MYT1L: variants seen among roughly 807,000 people sequenced by gnomAD.
MYT1L encodes myelin transcription factor 1 like, also known as myelin transcription factor 1-like protein.
In MYT1L, 12 loss-of-function variants were observed where a neutral mutation model predicts 126.7. The ratio of observed to expected loss-of-function variants is 0.09; its 90% CI spans 0.06 to 0.15. MYT1L has a LOEUF of 0.15. MYT1L is among the 10% of genes least tolerant of loss of function. The pLI, the probability that MYT1L is intolerant of heterozygous loss-of-function variation, is 1.00. For synonymous variants in MYT1L, 541 were observed against 604.2 expected, an observed-to-expected ratio of 0.90 and a Z score of 1.53; for missense variants, 979 against 1,585.2, an observed-to-expected ratio of 0.62 and a Z score of 6.49.
rs1222202648 is a variant in MYT1L, at chr2:1,887,551, A to G, written c.2579T>C (p.Val860Ala). The change falls in exon 17 of 25, where the codon GTG becomes GCG. Residue 860 changes from valine to alanine, a missense_variant. Coordinates refer to ENST00000647738, the MANE Select transcript of MYT1L (RefSeq NM_001303052.2). The surrounding 1 kb of genome is among the most constrained non-coding windows in gnomAD (Gnocchi z 4.8). Reference protein sequence around the residue: ...ALEERRYPGEVTIPSPKPKYP... With the variant: ...ALEERRYPGEATIPSPKPKYP... The stretch of plus-strand genomic sequence containing the variant: ...CTTGGGTTTGGGACTTGGGATGGTC[A>G]CCTCCCCGGGATACCGTCTTTCTTC... 6.2e-7 allele frequency: 1 copy of G among 1,613,734 alleles called. No individual in the cohort carries two copies. Among genetic ancestry groups the G allele is most frequent in the Admixed American group, 1.7e-5 (1 of 59,982 alleles).
chr2:1,876,673 C>A (rs957708576), intron 18 of MYT1L, among the ~76,000 whole-genome samples: 1 of 152,186 alleles, frequency 6.6e-6, no homozygotes, highest in Admixed American at 6.5e-5. Context: ...CCCATCCCAG[C>A]CCTGCACCCC....
intron 15 of MYT1L, among the ~76,000 whole-genome samples, chr2:1,890,557 T>C (rs1287358337): frequency 6.6e-6 from 1 of 152,140 alleles, no homozygotes; most frequent in Non-Finnish European, 1.5e-5. Flanking sequence ...TTTCATTTTT[T>C]AAATGATGCT....
At chr2:2,249,009 C>T (rs1200067732) in intron 2 of MYT1L, among the ~76,000 whole-genome samples, 1 of 151,856 alleles carries the variant, frequency 6.6e-6, no homozygotes, top group African/African-American at 2.4e-5. Context: ...ACTGAAAGTC[C>T]CAGCCAGAGC....
At position 2,244,993 on chromosome 2, in the gene MYT1L, T is replaced by C. The variant is rs558900960; in HGVS notation, c.-421+39411A>G. On this transcript the variant is annotated intron_variant, in intron 2 of 24. Coordinates refer to ENST00000647738, the MANE Select transcript of MYT1L (RefSeq NM_001303052.2). The stretch of plus-strand genomic sequence containing the variant: ...ATTGTATCCTGTTGTACATTCTAAA[T>C]GATATGAAGCATACTCAACAGGAAT... Among the ~76,000 whole-genome samples, 13 of 152,314 alleles carry C rather than the reference T, an allele frequency of 8.5e-5. No individual in the cohort carries two copies. The South Asian group carries it at 2.7e-3, about 32-fold the overall frequency.
chr2:2,306,171 A>G (rs945932784), intron 1 of MYT1L: 4 of 152,156 alleles, frequency 2.6e-5, no homozygotes, highest in Non-Finnish European at 5.9e-5. Context: ...GGGACAAAGT[A>G]TTGAGAAAAA....
At chr2:2,168,859 A>C (rs1275924128) in intron 3 of MYT1L, among the ~76,000 whole-genome samples, 1 of 152,226 alleles carries the variant, frequency 6.6e-6, no homozygotes. Flanking sequence ...TCTAATGCTC[A>C]GTCCCGAGGC....
chr2:2,309,927 A>G (rs546489274), intron 1 of MYT1L, among the ~76,000 whole-genome samples: 2 of 151,974 alleles, frequency 1.3e-5, no homozygotes, highest in African/African-American at 4.8e-5. Flanking sequence ...TACTGTATCT[A>G]TACTCCACCT....
rs1332794545 is a variant in MYT1L at position 2,224,861 on chromosome 2, G to A, written c.-420-51873C>T. Among the ~76,000 whole-genome samples, 3 of 151,946 alleles carry A rather than the reference G, an allele frequency of 2.0e-5. No homozygotes were observed. Among genetic ancestry groups the A allele is most frequent in the South Asian group, 2.1e-4 (1 of 4,812 alleles). On this transcript the variant is annotated intron_variant, in intron 2 of 24. Transcript: ENST00000647738. The surrounding 1 kb of genome is among the most constrained non-coding windows in gnomAD (Gnocchi z 4.0). Reference sequence around the variant, plus strand: ...AGGAAAATAAATGTTTCAAATCCTTGAGAAAGGTCTTAACCAGGGCTAGCC... The same window carrying A: ...AGGAAAATAAATGTTTCAAATCCTTAAGAAAGGTCTTAACCAGGGCTAGCC...
chr2:2,229,698 G>A (rs757239416), intron 2 of MYT1L, among the ~76,000 whole-genome samples: 2 of 152,090 alleles, frequency 1.3e-5, no homozygotes, highest in South Asian at 4.2e-4. Context: ...AAGGCACTGT[G>A]TTCAGAATTC....
At chr2:2,236,057 C>A (rs2094290133) in intron 2 of MYT1L, among the ~76,000 whole-genome samples, 1 of 152,102 alleles carries the variant, frequency 6.6e-6, no homozygotes, top group Non-Finnish European at 1.5e-5. Context: ...TACATCACAA[C>A]CCAACCCATT....
intron 2 of MYT1L, among the ~76,000 whole-genome samples, chr2:2,277,682 C>G (rs2095384727): frequency 6.6e-6 from 1 of 152,076 alleles, no homozygotes; most frequent in African/African-American, 2.4e-5. Context: ...GATTAAGCAG[C>G]TATAAAGTTA....
chr2:1,960,999 C>T, intron 8 of MYT1L, among the ~76,000 whole-genome samples: 1 of 152,210 alleles, frequency 6.6e-6, no homozygotes, highest in East Asian at 1.9e-4. Flanking sequence ...TCTCCTTGTC[C>T]CTAAACACTG....
At chr2:1,911,962 G>A (rs868375689) in intron 12 of MYT1L, 58 bp downstream of exon 12, 2 of 1,357,786 alleles carry the variant, frequency 1.5e-6, no homozygotes, top group Non-Finnish European at 2.0e-6. Context: ...CCAGGAAGGA[G>A]AAGGCATGGA....
chr2:2,216,995 A>G (rs2093695067), intron 2 of MYT1L, among the ~76,000 whole-genome samples: 1 of 152,260 alleles, frequency 6.6e-6, no homozygotes, highest in South Asian at 2.1e-4. Flanking sequence ...GGTATCTTGG[A>G]AAGGCTTCTA....
intron 3 of MYT1L, among the ~76,000 whole-genome samples, chr2:2,142,551 A>G (rs1575457043): frequency 6.6e-6 from 1 of 152,214 alleles, no homozygotes; most frequent in Admixed American, 6.5e-5. Context: ...CCATCTGGAG[A>G]GGGAGCTCCA....
intron 3 of MYT1L, among the ~76,000 whole-genome samples, chr2:2,106,674 G>T (rs2078803551): frequency 6.6e-6 from 1 of 152,118 alleles, no homozygotes; most frequent in South Asian, 2.1e-4. Context: ...CATGAGGGAA[G>T]TCTCTCACGT....
intron 4 of MYT1L, among the ~76,000 whole-genome samples, chr2:2,010,143 G>A (rs533173789): frequency 8.3e-4 from 127 of 152,284 alleles, no homozygotes; most frequent in African/African-American, 2.7e-3. Context: ...CACCAAGGCA[G>A]TGCCCATCTG....
At chr2:2,010,341 T>C (rs937682890) in intron 4 of MYT1L, among the ~76,000 whole-genome samples, 2 of 152,144 alleles carry the variant, frequency 1.3e-5, no homozygotes, top group African/African-American at 2.4e-5. Context: ...TAGACCTAGA[T>C]GTCTGAAGCT....
chr2:1,791,665 CG>C lies in MYT1L; in HGVS notation c.*201del. 1.9e-6 allele frequency: 1 copy of C among 527,330 alleles called. No homozygotes were observed. Among genetic ancestry groups the C allele is most frequent in the African/African-American group, 1.9e-5 (1 of 51,714 alleles). The allele number at this position is 527,330 out of a possible 1,614,324, so 32.7% of individuals were successfully genotyped here. A position where few individuals can be genotyped will look rare whatever the true frequency, so the allele number is the denominator to read the frequency against. On this transcript the variant is annotated 3_prime_UTR_variant, in exon 25 of 25. Coordinates refer to ENST00000647738, the MANE Select transcript of MYT1L (RefSeq NM_001303052.2). This position sits in a 1 kb window ranked among gnomAD's most constrained non-coding sequence, Gnocchi z 6.0. ...AACACTATGTCAGCTTACATGGAAA[CG>C]TACAAAATGTGGGTGTATTCAAAAA... is the stretch of plus-strand genomic sequence containing the variant.
Sources: gnomAD v4.1 joint callset for allele counts (sites outside exome capture counted in the v4.1 genomes callset) on GRCh38, gnomAD v4.1.1 for gene constraint, Gnocchi (gnomAD v3.1) non-coding constraint, MANE v1.5 for transcripts, NCBI Gene and HGNC (gene_info 2026-07-23, HGNC 2026-07-21) for gene names.